GBE1: variants seen among roughly 807,000 people sequenced by gnomAD.
GBE1 encodes the protein 1,4-alpha-glucan-branching enzyme.
Under a neutral mutation model 88.8 loss-of-function variants are expected in GBE1, and 70 were observed. That is an observed-to-expected ratio of 0.79 (90% CI 0.65 to 0.96). The LOEUF (loss-of-function observed/expected upper bound fraction) is 0.96. Among genes scored for constraint, GBE1 ranks in the 40% least tolerant of loss-of-function variants. GBE1 has a pLI of 0.00. For synonymous variants in GBE1, 284 were observed against 300.1 expected, an observed-to-expected ratio of 0.95 and a Z score of 0.56; for missense variants, 872 against 871.0, an observed-to-expected ratio of 1.00 and a Z score of -0.01.
chr3:81,728,917 T>G (rs1022859025), intron 1 of GBE1, among the ~76,000 whole-genome samples: 1 of 151,922 alleles, frequency 6.6e-6, no homozygotes. Flanking sequence ...CTTTTTTTTT[T>G]GCACACCACT....
intron 14 of GBE1, among the ~76,000 whole-genome samples, chr3:81,531,051 ACTCTT>A (rs966648940): frequency 5.4e-5 from 8 of 148,740 alleles, no homozygotes; most frequent in Non-Finnish European, 1.0e-4. Flanking sequence ...TGTCCCTTTC[ACTCTT>A]CTCTTTCCTT....
chr3:81,567,697 T>C (rs1703511628), intron 12 of GBE1, among the ~76,000 whole-genome samples: 1 of 152,170 alleles, frequency 6.6e-6, no homozygotes, highest in Non-Finnish European at 1.5e-5. Flanking sequence ...TAAATCTACC[T>C]CCAAAATTAT....
At chr3:81,667,646 T>C (rs1013689573) in intron 3 of GBE1, among the ~76,000 whole-genome samples, 1 of 152,218 alleles carries the variant, frequency 6.6e-6, no homozygotes, top group African/African-American at 2.4e-5. Flanking sequence ...TTGAGAGTTT[T>C]TAACATGAAG....
rs567825889 is a variant in GBE1 at position 81,650,790 on chromosome 3, G to A, written c.430-869C>T. Among the ~76,000 whole-genome samples the A allele has an allele frequency of 2.0e-5, 3 of 152,132 alleles. No homozygotes were observed. In the South Asian group the frequency reaches 6.2e-4, roughly 32 times the overall value. On this transcript the variant is annotated intron_variant, in intron 3 of 15. Coordinates refer to ENST00000429644, the MANE Select transcript of GBE1 (RefSeq NM_000158.4). ...GGTGATCCTCCCAATTCAGCCTTTCGAGGAGCTGGGACTACAGGCATGTAC... is the reference window on the plus strand; with the variant it reads ...GGTGATCCTCCCAATTCAGCCTTTCAAGGAGCTGGGACTACAGGCATGTAC...
At position 81,733,782 on chromosome 3, in the gene GBE1, C is replaced by G. The variant is rs1013334308; in HGVS notation, c.143+27593G>C. On this transcript the variant is annotated intron_variant, in intron 1 of 15. Transcript: ENST00000429644. The surrounding 1 kb of genome is among the most constrained non-coding windows in gnomAD (Gnocchi z 4.0). ...ATGTTTATTGTGTATCGCCTGTCTC[C>G]TGCTGCTGGAAAGTAAGCTCCTCAA... 1.3e-5 allele frequency among the ~76,000 whole-genome samples: 2 copies of G among 152,148 alleles called. No homozygotes were observed. Among genetic ancestry groups the G allele is most frequent in the Admixed American group, 6.6e-5 (1 of 15,266 alleles).
intron 14 of GBE1, among the ~76,000 whole-genome samples, chr3:81,533,330 T>C (rs1293794581): frequency 6.6e-6 from 1 of 151,648 alleles, no homozygotes; most frequent in Non-Finnish European, 1.5e-5. Flanking sequence ...TTAGTGTAGA[T>C]AACCCATCAC....
At chr3:81,612,270 G>C in intron 7 of GBE1, 1 of 468,824 alleles carries the variant, frequency 2.1e-6, no homozygotes, top group Non-Finnish European at 3.4e-6. Context: ...GGTTCCTCAT[G>C]TTGCCTCTTC....
At chr3:81,683,760 C>A (rs1705392198) in intron 2 of GBE1, among the ~76,000 whole-genome samples, 1 of 152,080 alleles carries the variant, frequency 6.6e-6, no homozygotes, top group Non-Finnish European at 1.5e-5. Flanking sequence ...GTAACCAATG[C>A]CCTATGTTAT....
At chr3:81,555,893 C>T (rs752348480) in intron 12 of GBE1, among the ~76,000 whole-genome samples, 62 of 152,224 alleles carry the variant, frequency 4.1e-4, no homozygotes, top group Non-Finnish European at 6.9e-4. Context: ...GGCTCCTTGT[C>T]TTCTTCAACG....
At chr3:81,514,851 C>T (rs1165014598) in intron 14 of GBE1, among the ~76,000 whole-genome samples, 3 of 151,460 alleles carry the variant, frequency 2.0e-5, no homozygotes, top group African/African-American at 7.3e-5. Context: ...CGTAGGCAGG[C>T]AGGAGATACT....
At chr3:81,648,321 C>T (rs1005162895) in intron 5 of GBE1, among the ~76,000 whole-genome samples, 8 of 152,068 alleles carry the variant, frequency 5.3e-5, no homozygotes, top group African/African-American at 1.9e-4. Context: ...TCTTTACTCT[C>T]CTGTTTGTTA....
intron 12 of GBE1, among the ~76,000 whole-genome samples, chr3:81,551,140 A>T (rs1046160787): frequency 3.3e-5 from 5 of 152,200 alleles, no homozygotes; most frequent in Non-Finnish European, 5.9e-5. Flanking sequence ...GCCCCATGTT[A>T]AAGTGGTCAT....
intron 1 of GBE1, among the ~76,000 whole-genome samples, chr3:81,710,417 T>C (rs1705847023): frequency 6.6e-6 from 1 of 151,222 alleles, no homozygotes; most frequent in East Asian, 1.9e-4. Context: ...AGGTAATTAA[T>C]TTTATAATTA....
intron 14 of GBE1, among the ~76,000 whole-genome samples, chr3:81,529,918 G>GTCTC (rs143064853): frequency 2.7e-5 from 4 of 149,586 alleles, no homozygotes; most frequent in South Asian, 2.1e-4. Flanking sequence ...GAATGAATCA[G>GTCTC]TCTCTCTCTC....
chr3:81,564,300 C>T (rs192325940), intron 12 of GBE1, among the ~76,000 whole-genome samples: 8 of 152,120 alleles, frequency 5.3e-5, no homozygotes, highest in South Asian at 2.1e-4. Flanking sequence ...ACCTGGGCAC[C>T]GCAGTGGGTG....
At chr3:81,558,689 G>A (rs909476965) in intron 12 of GBE1, among the ~76,000 whole-genome samples, 1 of 151,964 alleles carries the variant, frequency 6.6e-6, no homozygotes, top group East Asian at 1.9e-4. Flanking sequence ...TAAACATGCA[G>A]ATTTCAATAT....
At chr3:81,651,274 A>C (rs1704847978) in intron 3 of GBE1, among the ~76,000 whole-genome samples, 1 of 152,162 alleles carries the variant, frequency 6.6e-6, no homozygotes, top group African/African-American at 2.4e-5. Context: ...TCCCAAAATA[A>C]CCAAGCGGCA....
At chr3:81,547,625 T>TTCTCTCTCTCTCTTTCTCTCTCTC (rs1703223577) in intron 12 of GBE1, among the ~76,000 whole-genome samples, 1 of 138,282 alleles carries the variant, frequency 7.2e-6, no homozygotes, top group African/African-American at 2.7e-5. Flanking sequence ...GGTTCGTTTG[T>TTCTCTCTCTCTCTTTCTCTCTCTC]TCTCTCTCTC....
chr3:81,579,802 T>A (rs1302361540), intron 11 of GBE1, among the ~76,000 whole-genome samples: 2 of 152,130 alleles, frequency 1.3e-5, no homozygotes, highest in Non-Finnish European at 2.9e-5. Flanking sequence ...AGCCCCAATT[T>A]GGAAGATGCA....
Sources: gnomAD v4.1 joint callset for allele counts (sites outside exome capture counted in the v4.1 genomes callset) on GRCh38, gnomAD v4.1.1 for gene constraint, Gnocchi (gnomAD v3.1) non-coding constraint, MANE v1.5 for transcripts, NCBI Gene and HGNC (gene_info 2026-07-23, HGNC 2026-07-21) for gene names.